Variants in SEMA5A observed in about 807,000 individuals in gnomAD.
SEMA5A encodes the protein semaphorin-5A.
SEMA5A carries 55 observed loss-of-function variants against 135.5 expected under a neutral mutation model. The ratio of observed to expected loss-of-function variants is 0.41; its 90% confidence interval spans 0.33 to 0.51. SEMA5A has a LOEUF of 0.51. Ranked by LOEUF, SEMA5A falls within the 20% of genes least tolerant of loss-of-function variation. The pLI is 0.37. For missense variants in SEMA5A, 1,290 were observed against 1,419.9 expected, an observed-to-expected ratio of 0.91 and a Z score of 1.47; for synonymous variants, 580 against 546.5, an observed-to-expected ratio of 1.06 and a Z score of -0.85.
At chr5:9,399,549 T>A (rs530288234) in intron 2 of SEMA5A, among the ~76,000 whole-genome samples, 2 of 152,320 alleles carry the variant, frequency 1.3e-5, no homozygotes, top group South Asian at 4.1e-4. Context: ...ACAGTGGTGG[T>A]TACACAGCTC....
intron 7 of SEMA5A, among the ~76,000 whole-genome samples, chr5:9,226,536 G>T (rs1489772622): frequency 5.9e-5 from 9 of 152,060 alleles, no homozygotes; most frequent in Non-Finnish European, 1.3e-4. Flanking sequence ...AACAGTAACA[G>T]TATCTCTACC....
At chr5:9,207,205 G>A (rs1247937787) in intron 8 of SEMA5A, among the ~76,000 whole-genome samples, 2 of 148,320 alleles carry the variant, frequency 1.3e-5, no homozygotes, top group Admixed American at 6.8e-5. Flanking sequence ...TGTGTTTTGA[G>A]ACAGAGTTTC....
At chr5:9,409,571 T>C (rs953291983) in intron 2 of SEMA5A, among the ~76,000 whole-genome samples, 2 of 152,200 alleles carry the variant, frequency 1.3e-5, no homozygotes, top group Non-Finnish European at 2.9e-5. Flanking sequence ...GACCTTTACC[T>C]GCGTGTGCTG....
chr5:9,079,069 G>A (rs1341998387), intron 16 of SEMA5A, among the ~76,000 whole-genome samples: 1 of 151,946 alleles, frequency 6.6e-6, no homozygotes, highest in Non-Finnish European at 1.5e-5. Flanking sequence ...ATACCAACTT[G>A]CTTTTTACCT....
chr5:9,151,607 G>A (rs572828753), intron 12 of SEMA5A, among the ~76,000 whole-genome samples: 1 of 152,034 alleles, frequency 6.6e-6, no homozygotes, highest in African/African-American at 2.4e-5. Context: ...ACTAGGGAGG[G>A]TTTCCTATCT....
In SEMA5A at chr5:9,204,690, G is replaced by A. The variant is rs1337748399; in HGVS notation, c.647-2450C>T. Among the ~76,000 whole-genome samples the A allele has an allele frequency of 1.3e-5, 2 of 152,156 alleles. No homozygotes were observed. Among genetic ancestry groups the A allele is most frequent in the Admixed American group, 1.3e-4 (2 of 15,284 alleles). Reference sequence around the variant, plus strand: ...CACATAACTAGCAGTGGGGGATGGGGATGGAAAGTCCTGAATCCATTAGAC... The same window carrying A: ...CACATAACTAGCAGTGGGGGATGGGAATGGAAAGTCCTGAATCCATTAGAC... On this transcript the variant is annotated intron_variant, in intron 8 of 22. Transcript: ENST00000382496. This position sits in a 1 kb window ranked among gnomAD's most constrained non-coding sequence, Gnocchi z 6.4.
chr5:9,437,443 G>A (rs1758073131), intron 2 of SEMA5A, among the ~76,000 whole-genome samples: 1 of 151,982 alleles, frequency 6.6e-6, no homozygotes, highest in Non-Finnish European at 1.5e-5. Context: ...TGCAAACTCT[G>A]CCTCCTGGGT....
intron 12 of SEMA5A, among the ~76,000 whole-genome samples, chr5:9,153,162 G>C (rs1189302650): frequency 2.0e-5 from 3 of 151,978 alleles, no homozygotes; most frequent in Non-Finnish European, 2.9e-5. Flanking sequence ...TTTAGAGAGA[G>C]AGTGGCCTGT....
At chr5:9,255,457 C>T (rs1443995476) in intron 5 of SEMA5A, among the ~76,000 whole-genome samples, 1 of 152,200 alleles carries the variant, frequency 6.6e-6, no homozygotes, top group African/African-American at 2.4e-5. Flanking sequence ...ACGGCTTGAT[C>T]ACCATGAAGT....
At chr5:9,502,248 G>T (rs1735637523) in intron 1 of SEMA5A, among the ~76,000 whole-genome samples, 1 of 152,174 alleles carries the variant, frequency 6.6e-6, no homozygotes, top group Admixed American at 6.5e-5. Context: ...TAGCAGTTAA[G>T]ACAGAGGATG....
intron 2 of SEMA5A, among the ~76,000 whole-genome samples, chr5:9,408,996 C>T (rs911182287): frequency 2.0e-5 from 3 of 152,016 alleles, no homozygotes; most frequent in Non-Finnish European, 2.9e-5. Context: ...ACTGTTTTTA[C>T]GGCAAATATT....
chr5:9,370,509 G>T (rs1755092995), intron 3 of SEMA5A, among the ~76,000 whole-genome samples: 1 of 152,094 alleles, frequency 6.6e-6, no homozygotes, highest in Non-Finnish European at 1.5e-5. Context: ...GATTAGACTT[G>T]CCCCTGAGTC....
intron 5 of SEMA5A, among the ~76,000 whole-genome samples, chr5:9,242,786 G>A (rs1412370802): frequency 1.3e-5 from 2 of 151,936 alleles, no homozygotes; most frequent in Non-Finnish European, 2.9e-5. Flanking sequence ...TTTTTTAAAT[G>A]ATCAATTTCA....
In SEMA5A at chr5:9,136,549, C is replaced by T. The variant is rs142836153; in HGVS notation, c.1554G>A (p.Glu518=). 355 of 1,614,070 alleles carry T rather than the reference C, an allele frequency of 2.2e-4. No homozygotes were observed. Among genetic ancestry groups the T allele is most frequent in the Non-Finnish European group, 2.9e-4 (347 of 1,180,036 alleles). Residue 518 remains glutamate (E), a synonymous_variant, in exon 13 of 23, where the codon GAG becomes GAA. Transcript: ENST00000382496. Reference sequence around the variant, plus strand: ...GTTCCCACTGCGTCATGCTCAGGCTCTCCTCCAGGCTTGTGCATTTCTTCA... The same window carrying T: ...GTTCCCACTGCGTCATGCTCAGGCTTTCCTCCAGGCTTGTGCATTTCTTCA... ...VVMKKCTSLE[E]SLSMTQWEQS...
At chr5:9,096,982 G>C (rs1391472268) in intron 16 of SEMA5A, among the ~76,000 whole-genome samples, 7 of 152,060 alleles carry the variant, frequency 4.6e-5, no homozygotes, top group Non-Finnish European at 1.5e-5. Context: ...GTAACTATGA[G>C]AGAAGGTGGA....
At chr5:9,187,735 G>T (rs1348409649) in intron 11 of SEMA5A, among the ~76,000 whole-genome samples, 1 of 152,216 alleles carries the variant, frequency 6.6e-6, no homozygotes. Flanking sequence ...AATCAGGTTT[G>T]TGGAACAATA....
At chr5:9,308,020 A>T (rs865912798) in intron 5 of SEMA5A, among the ~76,000 whole-genome samples, 1 of 152,234 alleles carries the variant, frequency 6.6e-6, no homozygotes, top group African/African-American at 2.4e-5. Context: ...GAATGAATTC[A>T]ATAATAAAGT....
At chr5:9,538,163 T>C (rs950243535) in intron 1 of SEMA5A, among the ~76,000 whole-genome samples, 11 of 152,214 alleles carry the variant, frequency 7.2e-5, no homozygotes, top group Non-Finnish European at 1.3e-4. Context: ...GCAATTCGTA[T>C]GTATCTCTAC....
chr5:9,337,923 A>T (rs1424020856), intron 3 of SEMA5A, 111 bp from the exon 4 acceptor site: 54 of 711,336 alleles, frequency 7.6e-5, no homozygotes, highest in Non-Finnish European at 1.2e-4. Flanking sequence ...GAGGATTCGG[A>T]GGTCCCTCTA....
Sources: allele counts gnomAD v4.1 joint callset (sites outside exome capture counted in the v4.1 genomes callset), GRCh38; gene constraint gnomAD v4.1.1; non-coding constraint Gnocchi (gnomAD v3.1); transcripts MANE v1.5; gene names NCBI Gene and HGNC (gene_info 2026-07-23, HGNC 2026-07-21).